Variants in ACSM2B observed in about 807,000 individuals in gnomAD.
ACSM2B encodes acyl-coenzyme A synthetase ACSM2B, mitochondrial.
Under a neutral mutation model 78.6 loss-of-function variants are expected in ACSM2B, and 58 were observed. That is an observed-to-expected ratio of 0.74 (90% confidence interval 0.60 to 0.92). The LOEUF is 0.92. Among genes scored for constraint, ACSM2B ranks in the 40% least tolerant of loss-of-function variants. The probability of loss-of-function intolerance (pLI) is 0.00; values close to 1 mark genes in which losing one functional copy is unlikely to be tolerated. For missense variants in ACSM2B, 688 were observed against 711.2 expected, an observed-to-expected ratio of 0.97 and a Z score of 0.37; for synonymous variants, 257 against 256.8, an observed-to-expected ratio of 1.00 and a Z score of -0.01.
chr16:20,561,150 G>A (rs2015642779), intron 2 of ACSM2B, among the ~76,000 whole-genome samples: 1 of 152,120 alleles, frequency 6.6e-6, no homozygotes, highest in Non-Finnish European at 1.5e-5. Context: ...AAACCTTGAA[G>A]ACATGCTAAG....
rs2014856271 is a variant in ACSM2B, at chr16:20,536,845, TC to T, written c.*412del. ...TCTTCTTTCTCTTTCTCTCTTTATT[TC>T]TTTCCTTTCTTCTCTTTATTTTTCT... On this transcript the variant is annotated 3_prime_UTR_variant, in exon 14 of 14. Coordinates refer to ENST00000329697, the MANE Select transcript of ACSM2B (RefSeq NM_001105069.2). The T allele has an allele frequency of 6.4e-6, 1 of 155,702 alleles. No homozygotes were observed. Among genetic ancestry groups the T allele is most frequent in the South Asian group, 2.1e-4 (1 of 4,876 alleles). The allele number at this position is 155,702 out of a possible 1,614,324, so 9.6% of individuals were successfully genotyped here.
chr16:20,559,472 T>G, intron 2 of ACSM2B, 25 bp from the exon 3 acceptor site: 1 of 1,611,232 alleles, frequency 6.2e-7, no homozygotes, highest in Non-Finnish European at 8.5e-7. Flanking sequence ...ACCCTGTTGA[T>G]TAGGGGGCAT....
chr16:20,547,554 C>T (rs1221484644), intron 8 of ACSM2B: 21 of 981,490 alleles, frequency 2.1e-5, no homozygotes, highest in Non-Finnish European at 2.1e-5. Flanking sequence ...CATAAATCCA[C>T]ATTGTGCACA....
rs1047059382 is a variant in ACSM2B at position 20,573,012 on chromosome 16, T to C, written c.-9+3195A>G. ...TCCTTAAATTGGACTTCACCTTTTC[T>C]GGTGCCTCTTTGATTAGCTTAATAA... is the stretch of plus-strand genomic sequence containing the variant. On this transcript the variant is annotated intron_variant, in intron 1 of 13. Transcript: ENST00000329697. Among the ~76,000 whole-genome samples the C allele has an allele frequency of 9.3e-5, 14 of 150,962 alleles. No homozygotes were observed. The South Asian group carries it at 2.5e-3, about 27-fold the overall frequency.
Position 20,541,475 on chromosome 16 carries a change from T to C in ACSM2B, c.1510-702A>G, listed in dbSNP as rs13337819. On this transcript the variant is annotated intron_variant, in intron 12 of 13. Transcript: ENST00000329697. ...TTTCTTTTTCCCTTTATTTTCACTG[T>C]GAACTCTGTGGCACAGGGGCTCTAT... is the stretch of plus-strand genomic sequence containing the variant. 8.6e-3 allele frequency among the ~76,000 whole-genome samples: 1,308 copies of C among 151,954 alleles called. 16 individuals carry two copies. The highest frequency in any genetic ancestry group is 0.03 in the African/African-American group (1,243 of 41,332).
intron 13 of ACSM2B, among the ~76,000 whole-genome samples, chr16:20,537,727 TA>T (rs1312644083): frequency 1.8e-4 from 27 of 152,160 alleles, no homozygotes; most frequent in African/African-American, 6.3e-4. Flanking sequence ...TCCCACTGAG[TA>T]AGATGGAGGA....
chr16:20,567,263 T>G (rs1407212594), intron 1 of ACSM2B, among the ~76,000 whole-genome samples: 1 of 127,202 alleles, frequency 7.9e-6, no homozygotes, highest in South Asian at 2.2e-4. Flanking sequence ...ATATAATATA[T>G]AGTATAATAT....
intron 1 of ACSM2B, among the ~76,000 whole-genome samples, chr16:20,565,424 T>A (rs146980165): frequency 0.05 from 7,647 of 152,114 alleles, 333 homozygotes; most frequent in East Asian, 0.17. Flanking sequence ...ACCCAGAACA[T>A]CAAGAAATGT....
At chr16:20,549,691 G>T in intron 6 of ACSM2B, 1 of 417,132 alleles carries the variant, frequency 2.4e-6, no homozygotes, top group Non-Finnish European at 4.7e-6. Flanking sequence ...CTGAGAACAC[G>T]TGCCCAAGGT....
intron 1 of ACSM2B, among the ~76,000 whole-genome samples, chr16:20,567,102 AAT>A (rs905439533): frequency 4.4e-5 from 6 of 135,800 alleles, no homozygotes; most frequent in African/African-American, 1.3e-4. Flanking sequence ...ATAATATCAT[AAT>A]ATATATAATA....
At chr16:20,554,170 CT>C (rs1414934851) in intron 4 of ACSM2B, 3 of 652,648 alleles carry the variant, frequency 4.6e-6, no homozygotes, top group Non-Finnish European at 8.3e-6. Flanking sequence ...CTGTGTCTCA[CT>C]TTATATCTGC....
intron 1 of ACSM2B, among the ~76,000 whole-genome samples, chr16:20,566,659 TGTATA>T (rs2015864948): frequency 2.1e-4 from 1 of 4,862 alleles, no homozygotes; most frequent in African/African-American, 6.1e-4. Context: ...ACTATATATA[TGTATA>T]TATAGTATAT....
chr16:20,539,082 A>G (rs1188699857), intron 13 of ACSM2B, among the ~76,000 whole-genome samples: 1 of 151,206 alleles, frequency 6.6e-6, no homozygotes, highest in African/African-American at 2.4e-5. Context: ...CCTTAGGACA[A>G]CACTGAAAGG....
rs1210804235 is a variant in ACSM2B at position 20,543,251 on chromosome 16, G to C, written c.1293C>G (p.Asp431Glu). Residue 431 changes from aspartate (D) to glutamate (E), a missense_variant, in exon 11 of 14, where the codon GAC (aspartate) becomes GAG (glutamate). Asp to Glu is a conservative substitution (Grantham distance 45, BLOSUM62 2). Coordinates refer to ENST00000329697, the MANE Select transcript of ACSM2B (RefSeq NM_001105069.2). Reference protein sequence around the residue: ...GIFSGYVENPDKTAANIRGDF... With the variant: ...GIFSGYVENPEKTAANIRGDF... ...CTCCTCGAATGTTGGCTGCTGTCTT[G>C]TCGGGATTTTCCTGGTGACCACAGA... is the stretch of plus-strand genomic sequence containing the variant. 1.2e-6 allele frequency: 2 copies of C among 1,609,192 alleles called. No homozygotes were observed. Among genetic ancestry groups the C allele is most frequent in the Non-Finnish European group, 1.7e-6 (2 of 1,179,832 alleles).
rs571351802 is a variant in ACSM2B at position 20,541,955 on chromosome 16, C to G, written c.1509+959G>C. The G allele has an allele frequency of 1.2e-4, 18 of 152,366 alleles. No individual in the cohort carries two copies. In the East Asian group the frequency reaches 1.5e-3, roughly 13 times the overall value. 9.4% of individuals were successfully genotyped at this position (152,366 alleles called of 1,614,324 possible). A position where few individuals can be genotyped will look rare whatever the true frequency, so the allele number is the denominator to read the frequency against. On this transcript the variant is annotated intron_variant, in intron 12 of 13. Transcript: ENST00000329697. ...CTCAGCCTCCCAACCAAGCACTTTA[C>G]TTTCTAAAAGTTTTTATCATTTCAT...
chr16:20,573,261 C>T (rs1201780074), intron 1 of ACSM2B, among the ~76,000 whole-genome samples: 1 of 151,446 alleles, frequency 6.6e-6, no homozygotes, highest in Non-Finnish European at 1.5e-5. Context: ...TGGGATGTTC[C>T]CCTGATGTAG....
At chr16:20,566,603 ATAT>A in intron 1 of ACSM2B, among the ~76,000 whole-genome samples, 1 of 86,528 alleles carries the variant, frequency 1.2e-5, no homozygotes, top group Non-Finnish European at 2.0e-5. Context: ...TAATATGTAT[ATAT>A]CTACATATAG....
At position 20,537,163 on chromosome 16, in the gene ACSM2B, A is replaced by C; in HGVS notation, c.*95T>G. The C allele has an allele frequency of 2.1e-6, 3 of 1,431,298 alleles. No individual in the cohort carries two copies. Among genetic ancestry groups the C allele is most frequent in the Non-Finnish European group, 2.9e-6 (3 of 1,033,620 alleles). 88.7% of individuals were successfully genotyped at this position (1,431,298 alleles called of 1,614,324 possible). A position where few individuals can be genotyped will look rare whatever the true frequency, so the allele number is the denominator to read the frequency against. ...ACAAAACTTACATTCATGTTCTTTC[A>C]TAAAGAATCTCATATCATCATAGTA... is the stretch of plus-strand genomic sequence containing the variant. On this transcript the variant is annotated 3_prime_UTR_variant, in exon 14 of 14. Coordinates refer to ENST00000329697, the MANE Select transcript of ACSM2B (RefSeq NM_001105069.2).
At chr16:20,550,399 C>T (rs1401869654) in intron 6 of ACSM2B, among the ~76,000 whole-genome samples, 2 of 152,216 alleles carry the variant, frequency 1.3e-5, no homozygotes, top group East Asian at 1.9e-4. Context: ...TACTCATTTG[C>T]TATATTTCTC....
Sources: gnomAD v4.1 joint callset for allele counts (sites outside exome capture counted in the v4.1 genomes callset) on GRCh38, gnomAD v4.1.1 for gene constraint, MANE v1.5 for transcripts, NCBI Gene and HGNC (gene_info 2026-07-23, HGNC 2026-07-21) for gene names.